CTNNA2: variants seen among roughly 807,000 people sequenced by gnomAD.
The protein encoded by CTNNA2 is catenin alpha-2.
Under a neutral mutation model 101.0 loss-of-function variants are expected in CTNNA2, and 42 were observed. The ratio of observed to expected loss-of-function variants is 0.42; its 90% CI spans 0.32 to 0.54. CTNNA2 has a LOEUF of 0.54. Ranked by LOEUF, CTNNA2 falls within the 20% of genes least tolerant of loss-of-function variation. CTNNA2 has a pLI of 0.14. For missense variants in CTNNA2, 871 were observed against 1,223.1 expected, an observed-to-expected ratio of 0.71 and a Z score of 4.29; for synonymous variants, 450 against 456.4, an observed-to-expected ratio of 0.99 and a Z score of 0.18.
intron 7 of CTNNA2, among the ~76,000 whole-genome samples, chr2:80,296,108 C>T (rs1675717150): frequency 6.6e-6 from 1 of 151,940 alleles, no homozygotes; most frequent in Non-Finnish European, 1.5e-5. Flanking sequence ...TTATGGGGTA[C>T]ATGAGATATT....
chr2:79,406,233 C>G (rs995070592), intron 4 of CTNNA2, among the ~76,000 whole-genome samples: 1 of 152,094 alleles, frequency 6.6e-6, no homozygotes, highest in Non-Finnish European at 1.5e-5. Context: ...GCTTGAACAG[C>G]AGCAGCGGCC....
intron 7 of CTNNA2, among the ~76,000 whole-genome samples, chr2:80,138,961 T>G: frequency 6.6e-6 from 1 of 152,182 alleles, no homozygotes; most frequent in East Asian, 1.9e-4. Context: ...TCAATTTCCA[T>G]GTTGACTATA....
intron 7 of CTNNA2, among the ~76,000 whole-genome samples, chr2:79,966,218 T>TTA (rs148003299): frequency 0.011 from 1,645 of 151,580 alleles, 21 homozygotes; most frequent in African/African-American, 0.032. Flanking sequence ...TGCTTCCGTC[T>TTA]TATATATATA....
intron 2 of CTNNA2, among the ~76,000 whole-genome samples, chr2:79,286,507 T>G (rs1675589354): frequency 6.6e-6 from 1 of 151,380 alleles, no homozygotes; most frequent in African/African-American, 2.4e-5. Context: ...TCTCCTTCAC[T>G]TATGAAGCTT....
chr2:80,230,048 C>T (rs1709105358), intron 7 of CTNNA2, among the ~76,000 whole-genome samples: 1 of 152,026 alleles, frequency 6.6e-6, no homozygotes, highest in Admixed American at 6.6e-5. Context: ...GAATAACATG[C>T]TAGACATGTT....
Position 80,326,213 on chromosome 2 carries a change from A to C in CTNNA2, c.1057-66998A>C, listed in dbSNP as rs974659638. ...GTACAAATTAGGGAAAGTGGATGCT[A>C]TTGTTTTACTACCTCTATATATTTT... On this transcript the variant is annotated intron_variant, in intron 7 of 18. Transcript: ENST00000402739. Among the ~76,000 whole-genome samples, 9 of 152,142 alleles carry C rather than the reference A, an allele frequency of 5.9e-5. 1 individual carries two copies. The highest frequency in any genetic ancestry group is 2.9e-5 in the Non-Finnish European group (2 of 68,022).
intron 9 of CTNNA2, among the ~76,000 whole-genome samples, chr2:80,429,384 A>C (rs1681281603): frequency 6.6e-6 from 1 of 152,186 alleles, no homozygotes; most frequent in African/African-American, 2.4e-5. Flanking sequence ...ACCCAATGTC[A>C]CATAGCTAGA....
At chr2:80,403,822 A>G (rs1217568537) in intron 8 of CTNNA2, among the ~76,000 whole-genome samples, 3 of 152,066 alleles carry the variant, frequency 2.0e-5, no homozygotes, top group Non-Finnish European at 2.9e-5. Flanking sequence ...ACATGAAGGG[A>G]TGTTGAATTT....
chr2:79,851,801 G>C (rs1680741155), intron 3 of CTNNA2, among the ~76,000 whole-genome samples: 1 of 122,786 alleles, frequency 8.1e-6, no homozygotes, highest in African/African-American at 3.2e-5. Context: ...CAGTGCAATG[G>C]TATGATCTCT....
chr2:79,994,430 C>T (rs1692400027), intron 7 of CTNNA2, among the ~76,000 whole-genome samples: 1 of 152,124 alleles, frequency 6.6e-6, no homozygotes, highest in Non-Finnish European at 1.5e-5. Flanking sequence ...CATTCTTGTA[C>T]ACCCTATCAC....
chr2:79,980,910 T>C (rs1298394363), intron 7 of CTNNA2, among the ~76,000 whole-genome samples: 1 of 152,110 alleles, frequency 6.6e-6, no homozygotes, highest in Non-Finnish European at 1.5e-5. Context: ...AAAGAAACAA[T>C]TCTTTCTTTC....
chr2:80,440,796 T>A (rs1349116079), intron 9 of CTNNA2, among the ~76,000 whole-genome samples: 1 of 152,168 alleles, frequency 6.6e-6, no homozygotes, highest in Admixed American at 6.5e-5. Flanking sequence ...CACCCCATGA[T>A]CTGAAATTAT....
At chr2:79,689,711 T>A (rs920686650) in intron 2 of CTNNA2, among the ~76,000 whole-genome samples, 6 of 152,006 alleles carry the variant, frequency 3.9e-5, no homozygotes, top group African/African-American at 7.2e-5. Context: ...GATGTAATTA[T>A]GCATTAATGT....
At chr2:79,365,706 G>GT (rs1677734380) in intron 3 of CTNNA2, among the ~76,000 whole-genome samples, 1 of 150,110 alleles carries the variant, frequency 6.7e-6, no homozygotes, top group Non-Finnish European at 1.5e-5. Context: ...TTTGTTTTTT[G>GT]TTTTTTTGTT....
At chr2:80,103,584 C>A (rs1203654780) in intron 7 of CTNNA2, among the ~76,000 whole-genome samples, 2 of 152,152 alleles carry the variant, frequency 1.3e-5, no homozygotes, top group African/African-American at 4.8e-5. Flanking sequence ...GTTAGTATCC[C>A]CATCTAACCA....
intron 7 of CTNNA2, among the ~76,000 whole-genome samples, chr2:80,023,408 G>A (rs1694709690): frequency 6.6e-6 from 1 of 152,084 alleles, no homozygotes; most frequent in Non-Finnish European, 1.5e-5. Flanking sequence ...GTTCCTGATT[G>A]AAGTTTCTAC....
intron 2 of CTNNA2, among the ~76,000 whole-genome samples, chr2:79,661,520 A>G (rs1164210198): frequency 1.3e-5 from 2 of 152,232 alleles, no homozygotes; most frequent in African/African-American, 4.8e-5. Context: ...TTTCCCCCAC[A>G]AGATACTAAG....
chr2:79,603,912 G>T (rs1368219704), intron 1 of CTNNA2, among the ~76,000 whole-genome samples: 1 of 152,158 alleles, frequency 6.6e-6, no homozygotes, highest in Admixed American at 6.5e-5. Context: ...TGGTTAAATG[G>T]TGAGGTCATG....
intron 7 of CTNNA2, among the ~76,000 whole-genome samples, chr2:80,092,003 T>C (rs1473153263): frequency 6.6e-6 from 1 of 152,176 alleles, no homozygotes; most frequent in African/African-American, 2.4e-5. Flanking sequence ...AAAAGCTTTC[T>C]TGTGCTCAGG....
Sources: gnomAD v4.1 joint callset for allele counts (sites outside exome capture counted in the v4.1 genomes callset) on GRCh38, gnomAD v4.1.1 for gene constraint, MANE v1.5 for transcripts, NCBI Gene and HGNC (gene_info 2026-07-23, HGNC 2026-07-21) for gene names.